ACOXL: variants seen among roughly 807,000 people sequenced by gnomAD.
The protein encoded by ACOXL is acyl-coenzyme A oxidase-like protein.
Under a neutral mutation model 71.9 loss-of-function variants are expected in ACOXL, and 70 were observed. That is an observed-to-expected ratio of 0.97 (90% CI 0.80 to 1.19). ACOXL has a LOEUF of 1.19. Among genes scored for constraint, ACOXL ranks in the 50% most tolerant of loss-of-function variants. The pLI, the probability that ACOXL is intolerant of heterozygous loss-of-function variation, is 0.00. For missense variants in ACOXL, 703 were observed against 736.3 expected, an observed-to-expected ratio of 0.95 and a Z score of 0.52; for synonymous variants, 253 against 281.6, an observed-to-expected ratio of 0.90 and a Z score of 1.02.
intron 16 of ACOXL, among the ~76,000 whole-genome samples, chr2:111,073,666 A>G (rs901464663): frequency 6.6e-6 from 1 of 152,196 alleles, no homozygotes; most frequent in Non-Finnish European, 1.5e-5. Context: ...GTATAACTTT[A>G]TACTAAGCCT....
intron 7 of ACOXL, among the ~76,000 whole-genome samples, chr2:110,799,657 C>G (rs1400947716): frequency 6.6e-6 from 1 of 152,198 alleles, no homozygotes; most frequent in Non-Finnish European, 1.5e-5. Flanking sequence ...GCCAGCTGAA[C>G]TTCCTGGTTC....
In ACOXL at chr2:110,805,406, CT is replaced by C; in HGVS notation, c.753+12del. The stretch of plus-strand genomic sequence containing the variant: ...ATGGGTGCCATGAAGGTAATTGACT[CT>C]GATTTTAACTTAATTATCTACTGTG... On this transcript the variant is annotated intron_variant, in intron 9 of 17. Transcript: ENST00000439055. 6.2e-7 allele frequency: 1 copy of C among 1,614,174 alleles called. No individual in the cohort carries two copies.
chr2:111,057,544 TG>T, intron 16 of ACOXL, among the ~76,000 whole-genome samples: 1 of 152,200 alleles, frequency 6.6e-6, no homozygotes, highest in East Asian at 1.9e-4. Flanking sequence ...GAAAGCATGG[TG>T]TCCAGGCCAG....
intron 17 of ACOXL, among the ~76,000 whole-genome samples, chr2:111,111,153 G>C (rs987012743): frequency 6.6e-6 from 1 of 152,078 alleles, no homozygotes; most frequent in African/African-American, 2.4e-5. Flanking sequence ...AGGTTGGAGT[G>C]CAGTGGCATG....
intron 16 of ACOXL, among the ~76,000 whole-genome samples, chr2:111,084,776 C>T (rs553649801): frequency 4.7e-4 from 71 of 151,870 alleles, no homozygotes; most frequent in Non-Finnish European, 8.8e-4. Flanking sequence ...ACAGAGTGGC[C>T]AGCTTGATAA....
At chr2:110,775,644 C>T (rs1445190079) in intron 2 of ACOXL, among the ~76,000 whole-genome samples, 1 of 151,970 alleles carries the variant, frequency 6.6e-6, no homozygotes, top group African/African-American at 2.4e-5. Context: ...AGAAAGATGC[C>T]CAACGTCACT....
chr2:110,927,900 G>A (rs2149320476), intron 11 of ACOXL, among the ~76,000 whole-genome samples: 1 of 152,336 alleles, frequency 6.6e-6, no homozygotes, highest in East Asian at 1.9e-4. Context: ...GGCCAAGGAA[G>A]TTGGGAGCTG....
intron 10 of ACOXL, among the ~76,000 whole-genome samples, chr2:110,907,979 ATGT>A (rs2059518481): frequency 2.0e-5 from 3 of 152,160 alleles, no homozygotes; most frequent in African/African-American, 7.2e-5. Context: ...TGTGAGTGAA[ATGT>A]TGTTCTTTCA....
intron 10 of ACOXL, among the ~76,000 whole-genome samples, chr2:110,866,001 A>G (rs1260305312): frequency 6.6e-6 from 1 of 151,936 alleles, no homozygotes; most frequent in South Asian, 2.1e-4. Flanking sequence ...AATAAAATAC[A>G]CTTTTATTTC....
At chr2:110,845,504 G>A (rs1292327945) in intron 10 of ACOXL, among the ~76,000 whole-genome samples, 1 of 152,146 alleles carries the variant, frequency 6.6e-6, no homozygotes, top group Admixed American at 6.5e-5. Context: ...TCCCACTGCT[G>A]TGCAATCAAC....
intron 1 of ACOXL, among the ~76,000 whole-genome samples, chr2:110,734,196 C>A (rs987131085): frequency 6.6e-6 from 1 of 151,682 alleles, no homozygotes; most frequent in Non-Finnish European, 1.5e-5. Context: ...CATTTGAAAA[C>A]TTTTCTGTTT....
At chr2:110,867,761 CA>C (rs1340568359) in intron 10 of ACOXL, among the ~76,000 whole-genome samples, 1 of 152,014 alleles carries the variant, frequency 6.6e-6, no homozygotes, top group Non-Finnish European at 1.5e-5. Flanking sequence ...AAAAGCAACT[CA>C]AAAATTGCTT....
intron 5 of ACOXL, among the ~76,000 whole-genome samples, chr2:110,797,258 T>C (rs1685395672): frequency 6.6e-6 from 1 of 152,230 alleles, no homozygotes; most frequent in Non-Finnish European, 1.5e-5. Context: ...TGCTTCTTCA[T>C]GACCAGTGTT....
chr2:110,836,608 C>T (rs567777318), intron 9 of ACOXL, among the ~76,000 whole-genome samples: 2 of 152,320 alleles, frequency 1.3e-5, no homozygotes, highest in South Asian at 2.1e-4. Flanking sequence ...CCTCTTCTTC[C>T]CTTCACGTTT....
At chr2:110,885,294 CA>C (rs1233307318) in intron 10 of ACOXL, among the ~76,000 whole-genome samples, 5 of 151,962 alleles carry the variant, frequency 3.3e-5, no homozygotes, top group African/African-American at 9.7e-5. Flanking sequence ...CTTAAAACAA[CA>C]AAAAAAGCAG....
intron 1 of ACOXL, among the ~76,000 whole-genome samples, chr2:110,745,020 A>G (rs1463603487): frequency 6.6e-6 from 1 of 152,230 alleles, no homozygotes; most frequent in African/African-American, 2.4e-5. Context: ...TCCCTGAGGT[A>G]GCAACTGCCC....
intron 10 of ACOXL, among the ~76,000 whole-genome samples, chr2:110,895,669 G>C (rs1259590392): frequency 6.6e-6 from 1 of 150,392 alleles, no homozygotes; most frequent in Non-Finnish European, 1.5e-5. Flanking sequence ...GAAAACAATA[G>C]AGAGAGAGAG....
intron 16 of ACOXL, among the ~76,000 whole-genome samples, chr2:111,058,804 G>A (rs1043872822): frequency 1.1e-4 from 17 of 152,142 alleles, no homozygotes; most frequent in Non-Finnish European, 2.5e-4. Context: ...AGGAGGGAGG[G>A]AATTAGTTCT....
intron 13 of ACOXL, among the ~76,000 whole-genome samples, chr2:110,995,498 T>TTAAAAAA (rs1157308860): frequency 3.6e-4 from 1 of 2,808 alleles, no homozygotes; most frequent in East Asian, 3.6e-3. Context: ...AGACTCTGTC[T>TTAAAAAA]CAAAAAAAAA....
Sources: allele counts gnomAD v4.1 joint callset (sites outside exome capture counted in the v4.1 genomes callset), GRCh38; gene constraint gnomAD v4.1.1; transcripts MANE v1.5; gene names NCBI Gene and HGNC (gene_info 2026-07-23, HGNC 2026-07-21).